Variants in CAP2 observed in about 807,000 individuals in gnomAD.
CAP2 encodes the protein adenylyl cyclase-associated protein 2.
CAP2 carries 24 observed loss-of-function variants against 57.7 expected under a neutral mutation model. The observed-to-expected ratio is 0.42, with a 90% CI of 0.30 to 0.58. The LOEUF is 0.58. Among genes scored for constraint, CAP2 ranks in the 20% least tolerant of loss-of-function variants. The probability of loss-of-function intolerance (pLI) is 0.22; values close to 1 mark genes in which losing one functional copy is unlikely to be tolerated. For synonymous variants in CAP2, 194 were observed against 207.2 expected, an observed-to-expected ratio of 0.94 and a Z score of 0.55; for missense variants, 501 against 590.3, an observed-to-expected ratio of 0.85 and a Z score of 1.57.
At chr6:17,436,603 CAG>C (rs1581517071) in intron 3 of CAP2, among the ~76,000 whole-genome samples, 1 of 152,156 alleles carries the variant, frequency 6.6e-6, no homozygotes, top group African/African-American at 2.4e-5. Context: ...GAACCTTCCG[CAG>C]AGAGACACGG....
chr6:17,542,573 A>G (rs1291184734), intron 9 of CAP2, among the ~76,000 whole-genome samples: 1 of 152,186 alleles, frequency 6.6e-6, no homozygotes. Context: ...AAAAGCTCTC[A>G]CATCCCTGCT....
chr6:17,474,876 C>T (rs1034835295), intron 4 of CAP2, among the ~76,000 whole-genome samples: 4 of 151,916 alleles, frequency 2.6e-5, no homozygotes, highest in South Asian at 2.1e-4. Context: ...GCTCGGGTTC[C>T]GAGTCACTTG....
intron 4 of CAP2, among the ~76,000 whole-genome samples, chr6:17,480,711 C>A (rs1244319889): frequency 6.6e-6 from 1 of 151,658 alleles, no homozygotes; most frequent in Non-Finnish European, 1.5e-5. Context: ...CAGATTCAAT[C>A]TCAGTCCATT....
At position 17,539,430 on chromosome 6, in the gene CAP2, A is replaced by G. The variant is rs759961909; in HGVS notation, c.798A>G (p.Gln266=). 1.2e-5 allele frequency: 20 copies of G among 1,614,018 alleles called. No homozygotes were observed. Among genetic ancestry groups the G allele is most frequent in the African/African-American group, 4.0e-5 (3 of 74,932 alleles). ...SSPSRSALFA[Q]LNQGEAITKG... ...CTTCACGCTCAGCTTTATTTGCCCA[A>G]CTTAACCAGGGAGAAGCAATTACAA... is the stretch of plus-strand genomic sequence containing the variant. The change falls in exon 8 of 13, where the codon CAA becomes CAG. Residue 266 remains glutamine, a synonymous_variant. Transcript: ENST00000229922.
chr6:17,396,166 G>C (rs182213622), intron 1 of CAP2, among the ~76,000 whole-genome samples: 152 of 152,278 alleles, frequency 1.0e-3, no homozygotes, highest in African/African-American at 3.0e-3. Flanking sequence ...ATACTGGTGA[G>C]GATGTGGAGG....
chr6:17,428,119 G>T (rs1759636565), intron 3 of CAP2, among the ~76,000 whole-genome samples: 1 of 152,048 alleles, frequency 6.6e-6, no homozygotes, highest in Non-Finnish European at 1.5e-5. Context: ...TGGTTAAGAT[G>T]GTAAATTTTA....
Position 17,556,520 on chromosome 6 carries a change from G to T in CAP2, c.*78G>T. The T allele has an allele frequency of 9.9e-7, 1 of 1,010,304 alleles. No homozygotes were observed. 62.6% of individuals were successfully genotyped at this position (1,010,304 alleles called of 1,614,324 possible). ...AAAAAGCAGCAGTAAAGAGCTAGAA[G>T]TTGCAGTAGCCCCTACTGCTTTAGC... On this transcript the variant is annotated 3_prime_UTR_variant, in exon 13 of 13. Transcript: ENST00000229922.
At chr6:17,484,555 A>G (rs1038288241) in intron 4 of CAP2, among the ~76,000 whole-genome samples, 1 of 152,226 alleles carries the variant, frequency 6.6e-6, no homozygotes, top group Non-Finnish European at 1.5e-5. Context: ...TAAACACCTC[A>G]CTTTTCATCT....
chr6:17,528,068 T>C (rs958113085), intron 7 of CAP2, among the ~76,000 whole-genome samples: 4 of 152,224 alleles, frequency 2.6e-5, no homozygotes, highest in African/African-American at 9.7e-5. Flanking sequence ...CATTCTGTTT[T>C]TGACTTCAGT....
chr6:17,506,570 G>A (rs1221854736), intron 4 of CAP2, among the ~76,000 whole-genome samples: 1 of 151,972 alleles, frequency 6.6e-6, no homozygotes, highest in Non-Finnish European at 1.5e-5. Context: ...AACCTGGGAG[G>A]CGGAGGTCGC....
chr6:17,508,770 A>G (rs1262807917), intron 6 of CAP2, among the ~76,000 whole-genome samples: 5 of 109,264 alleles, frequency 4.6e-5, no homozygotes, highest in Admixed American at 4.5e-4. Context: ...TTTTTTTTTG[A>G]GATGGAGTCT....
At chr6:17,447,175 TAAAAAA>T (rs5874607) in intron 3 of CAP2, among the ~76,000 whole-genome samples, 6 of 133,418 alleles carry the variant, frequency 4.5e-5, no homozygotes, top group African/African-American at 1.1e-4. Flanking sequence ...GGCAGCTAAT[TAAAAAA>T]AAAAAAAAAA....
At chr6:17,542,745 A>G in intron 9 of CAP2, 92 bp from the exon 10 acceptor site, 2 of 983,830 alleles carry the variant, frequency 2.0e-6, no homozygotes, top group Non-Finnish European at 3.1e-6. Context: ...TTGCAAAGCC[A>G]TACTTCATGC....
intron 3 of CAP2, among the ~76,000 whole-genome samples, chr6:17,438,501 C>T (rs1314917663): frequency 2.1e-4 from 24 of 114,712 alleles, no homozygotes; most frequent in African/African-American, 8.2e-4. Flanking sequence ...TGCAGTGGCA[C>T]GATCCTGGCT....
intron 4 of CAP2, among the ~76,000 whole-genome samples, chr6:17,492,782 T>C (rs1761575585): frequency 6.6e-6 from 1 of 152,130 alleles, no homozygotes; most frequent in African/African-American, 2.4e-5. Context: ...GCTTCACTCC[T>C]TTTTTTCATA....
At chr6:17,447,169 G>A (rs1257441826) in intron 3 of CAP2, among the ~76,000 whole-genome samples, 1 of 117,490 alleles carries the variant, frequency 8.5e-6, no homozygotes. Flanking sequence ...ACCACAGGCA[G>A]CTAATTAAAA....
chr6:17,519,230 T>C (rs759672230), intron 7 of CAP2, among the ~76,000 whole-genome samples: 5 of 152,122 alleles, frequency 3.3e-5, no homozygotes, highest in African/African-American at 7.2e-5. Context: ...TCCTAACCTC[T>C]GCCTCCAGAC....
chr6:17,530,195 C>T (rs560247084), intron 7 of CAP2, among the ~76,000 whole-genome samples: 2 of 152,264 alleles, frequency 1.3e-5, no homozygotes, highest in South Asian at 4.1e-4. Context: ...ACCTCAGCCT[C>T]CCAGCTCCCA....
chr6:17,424,394 T>G (rs905835473), intron 2 of CAP2, among the ~76,000 whole-genome samples: 1 of 152,048 alleles, frequency 6.6e-6, no homozygotes, highest in African/African-American at 2.4e-5. Flanking sequence ...AGAGCAAGAC[T>G]CCGTCTCAAA....
Sources: gnomAD v4.1 joint callset for allele counts (sites outside exome capture counted in the v4.1 genomes callset) on GRCh38, gnomAD v4.1.1 for gene constraint, MANE v1.5 for transcripts, NCBI Gene and HGNC (gene_info 2026-07-23, HGNC 2026-07-21) for gene names.